The following DLG2 variants were observed in gnomAD, a reference collection of about 807,000 sequenced individuals.
DLG2 encodes the protein disks large homolog 2.
In DLG2, 45 loss-of-function variants were observed where a neutral mutation model predicts 132.5. The ratio of observed to expected loss-of-function variants is 0.34; its 90% CI spans 0.27 to 0.44. DLG2 has a LOEUF of 0.44. Among genes scored for constraint, DLG2 ranks in the 20% least tolerant of loss-of-function variants. The pLI is 1.00. For synonymous variants in DLG2, 424 were observed against 419.6 expected, an observed-to-expected ratio of 1.01 and a Z score of -0.13; for missense variants, 1,045 against 1,196.9, an observed-to-expected ratio of 0.87 and a Z score of 1.87.
chr11:84,542,008 T>A (rs1251699309), intron 6 of DLG2, among the ~76,000 whole-genome samples: 1 of 152,164 alleles, frequency 6.6e-6, no homozygotes, highest in Non-Finnish European at 1.5e-5. Context: ...CAGTGCATGA[T>A]AACTGATCCA....
At chr11:85,496,648 C>G (rs765894164) in intron 3 of DLG2, among the ~76,000 whole-genome samples, 2 of 152,208 alleles carry the variant, frequency 1.3e-5, no homozygotes, top group Admixed American at 6.5e-5. Flanking sequence ...TGTAGCCTGA[C>G]TGGGAGACAC....
At chr11:83,817,640 T>G (rs532461897) in intron 17 of DLG2, among the ~76,000 whole-genome samples, 1 of 152,122 alleles carries the variant, frequency 6.6e-6, no homozygotes, top group Non-Finnish European at 1.5e-5. Context: ...TTTGAGAGGC[T>G]GAGGTGGGAG....
intron 4 of DLG2, among the ~76,000 whole-genome samples, chr11:85,216,938 C>T (rs891754849): frequency 1.3e-5 from 2 of 151,940 alleles, no homozygotes; most frequent in African/African-American, 4.8e-5. Flanking sequence ...TCATGATCTA[C>T]CCACCTAGGC....
chr11:84,367,194 C>A (rs980230539), intron 7 of DLG2, among the ~76,000 whole-genome samples: 1 of 152,144 alleles, frequency 6.6e-6, no homozygotes, highest in Non-Finnish European at 1.5e-5. Context: ...GGAAACTAAA[C>A]AACCTGCTCA....
At chr11:85,622,690 A>AT (rs2081803001) in intron 2 of DLG2, among the ~76,000 whole-genome samples, 1 of 152,110 alleles carries the variant, frequency 6.6e-6, no homozygotes, top group African/African-American at 2.4e-5. Context: ...CAAAGAGATA[A>AT]TTTAAGAACT....
chr11:83,895,451 C>T lies in DLG2; in HGVS notation c.1497-20963G>A, dbSNP rs575785748. ...CTGGGATTACAGGCGTGAGCCACCG[C>T]GTCCAGCCACTACTGTCTTTTTTAA... On this transcript the variant is annotated intron_variant, in intron 15 of 27. Transcript: ENST00000376104. 1.2e-3 allele frequency among the ~76,000 whole-genome samples: 182 copies of T among 152,234 alleles called. 1 individual carries two copies. The highest frequency in any genetic ancestry group is 4.2e-3 in the African/African-American group (174 of 41,542).
chr11:84,245,035 G>C (rs1468740888), intron 8 of DLG2, among the ~76,000 whole-genome samples: 1 of 152,180 alleles, frequency 6.6e-6, no homozygotes, highest in African/African-American at 2.4e-5. Context: ...TTCCTTCTCA[G>C]AGAGCTCTTG....
intron 7 of DLG2, among the ~76,000 whole-genome samples, chr11:84,504,420 G>A (rs1298950009): frequency 1.3e-5 from 2 of 151,986 alleles, no homozygotes; most frequent in Non-Finnish European, 2.9e-5. Flanking sequence ...AATTATTAAT[G>A]GCATCCCTTT....
chr11:83,481,926 A>G (rs953228234), intron 22 of DLG2, among the ~76,000 whole-genome samples: 15 of 152,092 alleles, frequency 9.9e-5, no homozygotes, highest in Admixed American at 6.6e-4. Context: ...GACACTCCAA[A>G]AGCCACTACT....
chr11:84,403,136 T>G (rs1455710961), intron 7 of DLG2, among the ~76,000 whole-genome samples: 1 of 152,110 alleles, frequency 6.6e-6, no homozygotes, highest in Non-Finnish European at 1.5e-5. Flanking sequence ...GATGGTTCAG[T>G]TGATTGCTAA....
At chr11:85,194,584 T>G (rs1267514864) in intron 4 of DLG2, among the ~76,000 whole-genome samples, 1 of 151,598 alleles carries the variant, frequency 6.6e-6, no homozygotes, top group Non-Finnish European at 1.5e-5. Context: ...GAGGAAAACA[T>G]TTTCCGCACT....
chr11:85,605,204 A>G (rs2080442337), intron 2 of DLG2, among the ~76,000 whole-genome samples: 1 of 152,242 alleles, frequency 6.6e-6, no homozygotes, highest in African/African-American at 2.4e-5. Context: ...ACTGAAACTC[A>G]GAGTGGCTTG....
At chr11:85,575,899 A>G (rs2078129966) in intron 3 of DLG2, among the ~76,000 whole-genome samples, 2 of 152,184 alleles carry the variant, frequency 1.3e-5, no homozygotes, top group Non-Finnish European at 2.9e-5. Context: ...TTTAACATCT[A>G]GAACAGCATT....
At chr11:84,617,498 C>G (rs2099606594) in intron 6 of DLG2, among the ~76,000 whole-genome samples, 1 of 151,934 alleles carries the variant, frequency 6.6e-6, no homozygotes, top group Non-Finnish European at 1.5e-5. Flanking sequence ...GAGTACATAC[C>G]CAGTAATGGG....
intron 19 of DLG2, among the ~76,000 whole-genome samples, chr11:83,563,234 CCCAA>C (rs2096646227): frequency 6.6e-6 from 1 of 152,106 alleles, no homozygotes; most frequent in South Asian, 2.1e-4. Context: ...GCCTCGGCCT[CCCAA>C]AGTGCTGGGA....
Position 84,114,062 on chromosome 11 carries a change from T to A in DLG2, c.625-15015A>T, listed in dbSNP as rs570561540. Among the ~76,000 whole-genome samples the A allele has an allele frequency of 3.0e-4, 45 of 152,170 alleles. 1 individual carries two copies. In the South Asian group the frequency reaches 3.5e-3, roughly 12 times the overall value. On this transcript the variant is annotated intron_variant, in intron 9 of 27. Transcript: ENST00000376104. ...AAAACAATGCCCTTCTACTTACTAC[T>A]CTTTTTGGCTTAAAAAAAATAAAAC...
chr11:84,335,154 A>G (rs1267933731), intron 7 of DLG2, among the ~76,000 whole-genome samples: 2 of 146,340 alleles, frequency 1.4e-5, no homozygotes, highest in African/African-American at 5.1e-5. Flanking sequence ...CAAGCAATAA[A>G]GAAAGCAAAA....
chr11:85,506,788 CGTT>C (rs1411977600), intron 3 of DLG2, among the ~76,000 whole-genome samples: 1 of 152,028 alleles, frequency 6.6e-6, no homozygotes, highest in African/African-American at 2.4e-5. Context: ...CTTTCTGTCT[CGTT>C]GATCTGTCTA....
At chr11:83,893,393 C>T (rs1189418689) in intron 15 of DLG2, among the ~76,000 whole-genome samples, 3 of 152,202 alleles carry the variant, frequency 2.0e-5, no homozygotes, top group Non-Finnish European at 4.4e-5. Context: ...TTGCTCCCCA[C>T]TCTGTCTATC....
Sources: allele counts gnomAD v4.1 joint callset (sites outside exome capture counted in the v4.1 genomes callset), GRCh38; gene constraint gnomAD v4.1.1; transcripts MANE v1.5; gene names NCBI Gene and HGNC (gene_info 2026-07-23, HGNC 2026-07-21).